Variants in IL1RAPL2 observed in about 807,000 individuals in gnomAD.
IL1RAPL2 encodes interleukin 1 receptor accessory protein like 2.
IL1RAPL2 carries 3 observed loss-of-function variants against 44.1 expected under a neutral mutation model. The ratio of observed to expected loss-of-function variants is 0.07; its 90% CI spans 0.03 to 0.18. IL1RAPL2 has a LOEUF of 0.18. IL1RAPL2 is among the 10% of genes least tolerant of loss of function. The pLI is 1.00. For missense variants in IL1RAPL2, 391 were observed against 496.4 expected (o/e 0.79, Z 2.02); for synonymous variants, 181 against 178.8 (o/e 1.01, Z -0.10).
At position 105,704,901 on chromosome X, in the gene IL1RAPL2, G is replaced by C. The variant is rs780725096; in HGVS notation, c.773-12466G>C. On this transcript the variant is annotated intron_variant, in intron 6 of 10. Transcript: ENST00000372582. ...CGTTGAGCTGTTTTCTAATTTTAATGTTAAAGTTTTACTATATACCATGTA... is the reference window on the plus strand; with the variant it reads ...CGTTGAGCTGTTTTCTAATTTTAATCTTAAAGTTTTACTATATACCATGTA... Among the ~76,000 whole-genome samples, 104 of 110,698 alleles carry C rather than the reference G, an allele frequency of 9.4e-4. 1 individual carries two copies. The highest frequency in any genetic ancestry group is 3.3e-3 in the African/African-American group (102 of 30,488).
At chrX:105,663,405 A>G (rs1333701103) in intron 6 of IL1RAPL2, among the ~76,000 whole-genome samples, 2 of 112,199 alleles carry the variant, frequency 1.8e-5, no homozygotes, top group Non-Finnish European at 3.8e-5. Flanking sequence ...AGAGAAATGT[A>G]AACAAATATA....
chrX:105,169,492 CTTTTT>C (rs748101220), intron 2 of IL1RAPL2, among the ~76,000 whole-genome samples: 1 of 41,561 alleles, frequency 2.4e-5, no homozygotes, highest in African/African-American at 1.4e-4. Context: ...TTCTTTCTTT[CTTTTT>C]TTTTTTTTTT....
chrX:104,821,593 GAATAGT>G (rs1921304239), intron 2 of IL1RAPL2, among the ~76,000 whole-genome samples: 1 of 112,140 alleles, frequency 8.9e-6, no homozygotes, highest in Non-Finnish European at 1.9e-5. Context: ...TATCATGGGT[GAATAGT>G]ATTCCATGGT....
At chrX:104,726,724 T>C (rs1047178692) in intron 2 of IL1RAPL2, among the ~76,000 whole-genome samples, 7 of 111,310 alleles carry the variant, frequency 6.3e-5, no homozygotes, top group African/African-American at 2.0e-4. Flanking sequence ...TTTTTGCACA[T>C]TGATTTTGTA....
chrX:105,188,015 CA>C (rs1310941320), intron 2 of IL1RAPL2, among the ~76,000 whole-genome samples: 1 of 110,313 alleles, frequency 9.1e-6, no homozygotes, highest in East Asian at 2.8e-4. Context: ...TTAATAAAGA[CA>C]AAAAAAGAAT....
intron 6 of IL1RAPL2, among the ~76,000 whole-genome samples, chrX:105,487,998 T>A (rs2036282724): frequency 8.9e-6 from 1 of 112,282 alleles, no homozygotes; most frequent in Non-Finnish European, 1.9e-5. Flanking sequence ...GAACTAAAAT[T>A]AGAGCTGCCA....
intron 5 of IL1RAPL2, among the ~76,000 whole-genome samples, chrX:105,329,021 A>T (rs1415522185): frequency 2.7e-5 from 3 of 112,049 alleles, no homozygotes; most frequent in Non-Finnish European, 5.6e-5. Context: ...GTTTATCACA[A>T]CTCTATATCT....
chrX:104,810,756 G>T (rs1002748725), intron 2 of IL1RAPL2, among the ~76,000 whole-genome samples: 2 of 111,859 alleles, frequency 1.8e-5, no homozygotes, highest in African/African-American at 6.5e-5. Flanking sequence ...AAAAAATTTG[G>T]AGAGTTAACA....
intron 1 of IL1RAPL2, among the ~76,000 whole-genome samples, chrX:104,634,387 C>T (rs185016519): frequency 9.0e-6 from 1 of 111,247 alleles, no homozygotes; most frequent in African/African-American, 3.3e-5. Context: ...GAGTTCAATT[C>T]CTGGATATCC....
intron 7 of IL1RAPL2, among the ~76,000 whole-genome samples, chrX:105,719,490 T>A (rs2038284491): frequency 9.0e-6 from 1 of 111,492 alleles, no homozygotes; most frequent in South Asian, 3.7e-4. Flanking sequence ...AAATTCACAA[T>A]TTAATGGCAT....
intron 1 of IL1RAPL2, among the ~76,000 whole-genome samples, chrX:104,589,754 A>G (rs1199865046): frequency 8.9e-6 from 1 of 111,767 alleles, no homozygotes; most frequent in Non-Finnish European, 1.9e-5. Context: ...AAAAGGGGCT[A>G]ACCTGACACA....
chrX:104,685,495 A>G (rs1348412291), intron 2 of IL1RAPL2, among the ~76,000 whole-genome samples: 1 of 111,451 alleles, frequency 9.0e-6, no homozygotes, highest in South Asian at 3.8e-4. Flanking sequence ...GATATATGCA[A>G]TAGGTGACTA....
chrX:104,634,286 A>G (rs1431650846), intron 1 of IL1RAPL2, among the ~76,000 whole-genome samples: 29 of 111,535 alleles, frequency 2.6e-4, no homozygotes, highest in African/African-American at 7.5e-4. Flanking sequence ...TTTTGGAATA[A>G]GTGCGGTGTG....
chrX:104,894,647 A>G (rs776883490), intron 2 of IL1RAPL2, among the ~76,000 whole-genome samples: 1 of 111,956 alleles, frequency 8.9e-6, no homozygotes. Flanking sequence ...CAGGTCATTT[A>G]AGGACTTCTC....
At chrX:105,080,178 A>C (rs892058043) in intron 2 of IL1RAPL2, among the ~76,000 whole-genome samples, 6 of 111,787 alleles carry the variant, frequency 5.4e-5, no homozygotes, top group Non-Finnish European at 1.1e-4. Flanking sequence ...TTGCCTGTTC[A>C]CTCTGATGAT....
intron 2 of IL1RAPL2, among the ~76,000 whole-genome samples, chrX:104,703,245 C>T (rs1299010388): frequency 9.0e-6 from 1 of 111,106 alleles, no homozygotes; most frequent in Non-Finnish European, 1.9e-5. Flanking sequence ...TGAAGGCAGA[C>T]CAATTAATCT....
At chrX:104,829,950 G>A (rs1037364315) in intron 2 of IL1RAPL2, among the ~76,000 whole-genome samples, 3 of 111,943 alleles carry the variant, frequency 2.7e-5, no homozygotes, top group Non-Finnish European at 5.6e-5. Context: ...CCTCACACAG[G>A]TTAAGGAATC....
chrX:104,985,867 A>C (rs1464690254), intron 2 of IL1RAPL2, among the ~76,000 whole-genome samples: 1 of 112,323 alleles, frequency 8.9e-6, no homozygotes, highest in East Asian at 2.8e-4. Context: ...AGTTATGTGT[A>C]CCTGTATTTC....
chrX:105,371,004 A>G (rs1199492325), intron 5 of IL1RAPL2, among the ~76,000 whole-genome samples: 1 of 112,299 alleles, frequency 8.9e-6, no homozygotes, highest in Non-Finnish European at 1.9e-5. Context: ...GATATTGATC[A>G]TCTTTTATGT....
Sources: gnomAD v4.1 joint callset for allele counts (sites outside exome capture counted in the v4.1 genomes callset) on GRCh38, gnomAD v4.1.1 for gene constraint, MANE v1.5 for transcripts, NCBI Gene and HGNC (gene_info 2026-07-23, HGNC 2026-07-21) for gene names.